MAP6: variants seen among roughly 807,000 people sequenced by gnomAD.
The protein encoded by MAP6 is microtubule associated protein 6, also known as microtubule-associated protein 6.
Under a neutral mutation model 42.4 loss-of-function variants are expected in MAP6, and 26 were observed. The observed-to-expected ratio is 0.61, with a 90% CI of 0.45 to 0.85. The LOEUF (loss-of-function observed/expected upper bound fraction) is 0.85. Ranked by LOEUF, MAP6 falls within the 40% of genes least tolerant of loss-of-function variation. MAP6 has a pLI of 0.00. For missense variants in MAP6, 966 were observed against 1,099.0 expected (o/e 0.88, Z 1.71); for synonymous variants, 418 against 443.8 (o/e 0.94, Z 0.73).
chr11:75,629,178 C>T (rs1943244512), intron 1 of MAP6, among the ~76,000 whole-genome samples: 1 of 152,156 alleles, frequency 6.6e-6, no homozygotes, highest in Admixed American at 6.5e-5. Flanking sequence ...AATTCCGCCT[C>T]CTGAGTTCAA....
In MAP6 at chr11:75,666,958, G is replaced by C. The variant is rs60768503; in HGVS notation, c.905+507C>G. ...AGATCCTGTGGGTAATCTAGAAAAAGGTATGGTGCTTGGGTGTTGCCCAGA... is the reference window on the plus strand; with the variant it reads ...AGATCCTGTGGGTAATCTAGAAAAACGTATGGTGCTTGGGTGTTGCCCAGA... On this transcript the variant is annotated intron_variant, in intron 1 of 3. Coordinates refer to ENST00000304771, the MANE Select transcript of MAP6 (RefSeq NM_033063.2). 3.1e-3 allele frequency among the ~76,000 whole-genome samples: 478 copies of C among 152,236 alleles called. 2 individuals are homozygous for C. Among genetic ancestry groups the C allele is most frequent in the African/African-American group, 0.011 (464 of 41,534 alleles).
intron 3 of MAP6, among the ~76,000 whole-genome samples, chr11:75,600,468 G>A (rs1942647292): frequency 1.3e-5 from 2 of 152,194 alleles, no homozygotes; most frequent in Admixed American, 1.3e-4. Context: ...GAGGATATAT[G>A]CATCAAATGG....
At chr11:75,596,263 G>A (rs1053622050) in intron 3 of MAP6, 6 of 152,210 alleles carry the variant, frequency 3.9e-5, no homozygotes, top group African/African-American at 1.4e-4. Flanking sequence ...CAGTGAGTTC[G>A]GGCAAAGTCA....
At chr11:75,603,327 C>G (rs2135582911) in intron 3 of MAP6, 1 of 985,806 alleles carries the variant, frequency 1.0e-6, no homozygotes, top group Non-Finnish European at 1.2e-6. Context: ...AGGCAACACC[C>G]AAACACTGCT....
At chr11:75,662,703 G>A (rs1159588657) in intron 1 of MAP6, among the ~76,000 whole-genome samples, 1 of 152,172 alleles carries the variant, frequency 6.6e-6, no homozygotes, top group East Asian at 1.9e-4. Context: ...AGATCATAAC[G>A]TGAGTTGCAC....
intron 3 of MAP6, among the ~76,000 whole-genome samples, chr11:75,595,172 C>T (rs678320): frequency 0.72 from 109,106 of 152,204 alleles, 39,391 homozygotes; most frequent in African/African-American, 0.78. Context: ...TGCACATGCC[C>T]GGTGAGGCAG....
At position 75,668,902 on chromosome 11, in the gene MAP6, T is replaced by C. The variant is rs373724096; in HGVS notation, c.-533A>G. 6.1e-6 allele frequency: 1 copy of C among 163,394 alleles called. No homozygotes were observed. The highest frequency in any genetic ancestry group is 1.3e-5 in the Non-Finnish European group (1 of 75,128). The allele number at this position is 163,394 out of a possible 1,614,324, so 10.1% of individuals were successfully genotyped here. On this transcript the variant is annotated 5_prime_UTR_variant, in exon 1 of 4. Coordinates refer to ENST00000304771, the MANE Select transcript of MAP6 (RefSeq NM_033063.2). Reference sequence around the variant, plus strand: ...GACCGAGCATTGCTGCCTCCGCCGCTGCCCGCGAGGATGCCGCAGCCGCCG... The same window carrying C: ...GACCGAGCATTGCTGCCTCCGCCGCCGCCCGCGAGGATGCCGCAGCCGCCG...
chr11:75,650,380 A>G lies in MAP6; in HGVS notation c.905+17085T>C, dbSNP rs778614325. ...AGGTTAGCCTGTCAGCTCCCATTAA[A>G]TGCTCTGTTAGCACCTTGTACTTTC... is the stretch of plus-strand genomic sequence containing the variant. On this transcript the variant is annotated intron_variant, in intron 1 of 3. Transcript: ENST00000304771. Among the ~76,000 whole-genome samples the G allele has an allele frequency of 7.9e-4, 121 of 152,308 alleles. 1 individual carries two copies. The highest frequency in any genetic ancestry group is 1.3e-3 in the Non-Finnish European group (86 of 68,034).
Position 75,668,052 on chromosome 11 carries a change from C to G in MAP6, c.318G>C (p.Pro106=), listed in dbSNP as rs562348164. 15 of 1,225,378 alleles carry G rather than the reference C, an allele frequency of 1.2e-5. No homozygotes were observed. Among genetic ancestry groups the G allele is most frequent in the Non-Finnish European group, 1.5e-5 (15 of 985,348 alleles). The allele number at this position is 1,225,378 out of a possible 1,614,324, so 75.9% of individuals were successfully genotyped here. ...CGGAGGTGGAGCCGGAGCCCAGGCC[C>G]GGGCCCGGCCCGCTCCGGCCGGGGC... ...AAGPGRSGPG[P]GLGSGSTSGP... The change falls in exon 1 of 4, where the codon CCG becomes CCC. Residue 106 remains proline, a synonymous_variant. Coordinates refer to ENST00000304771, the MANE Select transcript of MAP6 (RefSeq NM_033063.2).
intron 1 of MAP6, among the ~76,000 whole-genome samples, chr11:75,633,050 G>GTTGTTTTTTTTTTTTTTTTTTTTTTTTT: frequency 6.7e-6 from 1 of 149,838 alleles, no homozygotes; most frequent in Non-Finnish European, 1.5e-5. Context: ...GTATTTTAAA[G>GTTGTTTTTTTTTTTTTTTTTTTTTTTTT]GTACTAATAG....
intron 1 of MAP6, among the ~76,000 whole-genome samples, chr11:75,609,362 T>C (rs1942846261): frequency 6.6e-6 from 1 of 152,118 alleles, no homozygotes; most frequent in Admixed American, 6.6e-5. Flanking sequence ...AAGGAGGAGT[T>C]AGGGCATGAA....
At chr11:75,589,465 T>C (rs1432781009) in intron 3 of MAP6, among the ~76,000 whole-genome samples, 1 of 152,244 alleles carries the variant, frequency 6.6e-6, no homozygotes, top group Non-Finnish European at 1.5e-5. Context: ...GCTTTCCGAA[T>C]GGCTCCCTTT....
In MAP6 at chr11:75,668,445, C is replaced by T; in HGVS notation, c.-76G>A. 6.9e-7 allele frequency: 1 copy of T among 1,458,682 alleles called. No individual in the cohort carries two copies. Among genetic ancestry groups the T allele is most frequent in the Non-Finnish European group, 9.0e-7 (1 of 1,106,154 alleles). 90.4% of individuals were successfully genotyped at this position (1,458,682 alleles called of 1,614,324 possible). A position where few individuals can be genotyped will look rare whatever the true frequency, so the allele number is the denominator to read the frequency against. ...AGTCTCTATAATCTTCCTTCAGCCTCCGATCCTGACCGGCCAATGTGGTTC... is the reference window on the plus strand; with the variant it reads ...AGTCTCTATAATCTTCCTTCAGCCTTCGATCCTGACCGGCCAATGTGGTTC... On this transcript the variant is annotated 5_prime_UTR_variant, in exon 1 of 4. Transcript: ENST00000304771.
intron 1 of MAP6, among the ~76,000 whole-genome samples, chr11:75,618,054 G>A (rs1464623346): frequency 2.6e-5 from 4 of 151,550 alleles, no homozygotes; most frequent in South Asian, 2.1e-4. Context: ...TAAAAACTGC[G>A]AAGGACACAG....
intron 1 of MAP6, among the ~76,000 whole-genome samples, chr11:75,656,605 A>G (rs1199152489): frequency 1.3e-5 from 2 of 151,990 alleles, no homozygotes; most frequent in African/African-American, 4.8e-5. Context: ...CACATACCAG[A>G]GATATCGATG....
At chr11:75,662,329 A>G (rs1458974371) in intron 1 of MAP6, among the ~76,000 whole-genome samples, 3 of 152,202 alleles carry the variant, frequency 2.0e-5, no homozygotes, top group Non-Finnish European at 2.9e-5. Context: ...TAAAACTTTA[A>G]AACTGTATAT....
intron 1 of MAP6, among the ~76,000 whole-genome samples, chr11:75,611,803 A>G (rs1942901794): frequency 1.3e-5 from 2 of 152,392 alleles, no homozygotes; most frequent in East Asian, 1.9e-4. Flanking sequence ...TTCTTAAAAC[A>G]ACTTTGAGAA....
Position 75,587,574 on chromosome 11 carries a change from C to T in MAP6, c.1927G>A (p.Val643Ile), listed in dbSNP as rs1378883799. ...CTTTCATCCTTCGGATGCTCTGGGA[C>T]CATGGGATCTTGATCCTTGATAGGT... ...SAPIKDQDPMVPEHPKDESAM... is the reference protein window; with the variant it reads ...SAPIKDQDPMIPEHPKDESAM... The change falls in exon 4 of 4, where the codon GTC becomes ATC. Residue 643 changes from valine to isoleucine, a missense_variant. Physicochemically the swap from Val to Ile is conservative, Grantham distance 29 (BLOSUM62 3). This residue lies in a region of MAP6 where 943 missense variants were observed against 1,049.9 expected (regional missense o/e 0.90). Coordinates refer to ENST00000304771, the MANE Select transcript of MAP6 (RefSeq NM_033063.2). 2 of 1,614,182 alleles carry T rather than the reference C, an allele frequency of 1.2e-6. No homozygotes were observed. Among genetic ancestry groups the T allele is most frequent in the Admixed American group, 3.3e-5 (2 of 60,028 alleles).
intron 3 of MAP6, among the ~76,000 whole-genome samples, chr11:75,601,183 T>C (rs540952078): frequency 6.6e-6 from 1 of 152,326 alleles, no homozygotes; most frequent in South Asian, 2.1e-4. Flanking sequence ...TTTCTCTGAC[T>C]CTGAGTGTGT....
Sources: gnomAD v4.1 joint callset for allele counts (sites outside exome capture counted in the v4.1 genomes callset) on GRCh38, gnomAD v4.1.1 for gene constraint, gnomAD v4.1.1 regional missense constraint, MANE v1.5 for transcripts, NCBI Gene and HGNC (gene_info 2026-07-23, HGNC 2026-07-21) for gene names.